RAB12: variants seen among roughly 807,000 people sequenced by gnomAD.
The protein encoded by RAB12 is RAB12, member RAS oncogene family, also known as ras-related protein Rab-12.
RAB12 carries 11 observed loss-of-function variants against 28.4 expected under a neutral mutation model. That is an observed-to-expected ratio of 0.39 (90% CI 0.24 to 0.64). RAB12 has a LOEUF of 0.64. Among genes scored for constraint, RAB12 ranks in the 30% least tolerant of loss-of-function variants. RAB12 has a pLI of 0.50. For missense variants in RAB12, 276 were observed against 351.1 expected (o/e 0.79, Z 1.71); for synonymous variants, 138 against 145.3 (o/e 0.95, Z 0.36).
At chr18:8,628,596 G>A (rs768375715) in intron 2 of RAB12, among the ~76,000 whole-genome samples, 4 of 152,148 alleles carry the variant, frequency 2.6e-5, no homozygotes, top group African/African-American at 4.8e-5. Flanking sequence ...GCTCATTTGC[G>A]TTAGGACGAT....
At chr18:8,619,924 C>T (rs1014710797) in intron 1 of RAB12, among the ~76,000 whole-genome samples, 2 of 151,962 alleles carry the variant, frequency 1.3e-5, no homozygotes, top group African/African-American at 2.4e-5. Context: ...GTAGGAGGAT[C>T]GCTTGAGTTT....
intron 2 of RAB12, among the ~76,000 whole-genome samples, chr18:8,625,677 A>G (rs1334815877): frequency 1.3e-5 from 2 of 152,202 alleles, no homozygotes; most frequent in Admixed American, 6.5e-5. Context: ...GGAAGAAGGG[A>G]TAAGATCTGG....
At chr18:8,626,642 G>C (rs1457753463) in intron 2 of RAB12, among the ~76,000 whole-genome samples, 1 of 152,242 alleles carries the variant, frequency 6.6e-6, no homozygotes, top group African/African-American at 2.4e-5. Context: ...TGAGATAAGA[G>C]GGCCCTACCT....
chr18:8,609,817 C>G lies in RAB12; in HGVS notation c.378C>G (p.Arg126=). Residue 126 remains arginine, a synonymous_variant, in exon 1 of 6, where the codon CGC becomes CGG. Coordinates refer to ENST00000649141, the MANE Select transcript of RAB12 (RefSeq NM_001025300.3). ...GSPALSGGQG[R]RRKQPPRPAD... The stretch of plus-strand genomic sequence containing the variant: ...CGGCGCTGTCGGGCGGCCAGGGCCG[C>G]CGGAGGAAGCAGCCCCCCAGGCCGG... 1 of 1,499,612 alleles carries G rather than the reference C, an allele frequency of 6.7e-7. No homozygotes were observed. Among genetic ancestry groups the G allele is most frequent in the Admixed American group, 2.3e-5 (1 of 44,164 alleles). The allele number at this position is 1,499,612 out of a possible 1,614,324, so 92.9% of individuals were successfully genotyped here. A position where few individuals can be genotyped will look rare whatever the true frequency, so the allele number is the denominator to read the frequency against.
chr18:8,623,108 T>C (rs2096010831), intron 1 of RAB12, among the ~76,000 whole-genome samples: 1 of 152,158 alleles, frequency 6.6e-6, no homozygotes, highest in Admixed American at 6.5e-5. Context: ...TGAGGCAACA[T>C]ACATCCTCCT....
At chr18:8,610,119 A>C in intron 1 of RAB12, 166 bp downstream of exon 1, 2 of 539,716 alleles carry the variant, frequency 3.7e-6, no homozygotes, top group East Asian at 3.5e-5. Context: ...CCCAATCCCA[A>C]AGCCTGGCAG....
chr18:8,610,739 G>C (rs2096003320), intron 1 of RAB12, among the ~76,000 whole-genome samples: 1 of 152,194 alleles, frequency 6.6e-6, no homozygotes, highest in African/African-American at 2.4e-5. Context: ...GGTAGCAGTT[G>C]TTTCTATGGA....
chr18:8,637,941 G>A (rs1327495195), intron 5 of RAB12, among the ~76,000 whole-genome samples: 5 of 152,128 alleles, frequency 3.3e-5, no homozygotes, highest in Non-Finnish European at 5.9e-5. Context: ...GGAGGAGGAG[G>A]AGGAGGAGGG....
intron 1 of RAB12, among the ~76,000 whole-genome samples, chr18:8,611,152 ATGT>A (rs1016375732): frequency 3.9e-5 from 6 of 152,174 alleles, no homozygotes; most frequent in African/African-American, 9.7e-5. Context: ...TGTTTTTAAA[ATGT>A]TGTCGTTGGA....
chr18:8,619,990 TAGTGAC>T (rs1197573377), intron 1 of RAB12, among the ~76,000 whole-genome samples: 2 of 151,824 alleles, frequency 1.3e-5, no homozygotes, highest in Non-Finnish European at 2.9e-5. Flanking sequence ...CAAAATCAGT[TAGTGAC>T]AGTGGTGTGC....
In RAB12 at chr18:8,639,059, A is replaced by G. The variant is rs932197200; in HGVS notation, c.*797A>G. 9.1e-5 allele frequency: 13 copies of G among 142,328 alleles called. No homozygotes were observed. Among genetic ancestry groups the G allele is most frequent in the Non-Finnish European group, 1.8e-4 (12 of 66,558 alleles). 8.8% of individuals were successfully genotyped at this position (142,328 alleles called of 1,614,324 possible). On this transcript the variant is annotated 3_prime_UTR_variant, in exon 6 of 6. Transcript: ENST00000649141. The stretch of plus-strand genomic sequence containing the variant: ...TTACTATATCAAAGAACATACGTGT[A>G]TTTGCCTAAACACTCTGTACCTTTG...
intron 2 of RAB12, among the ~76,000 whole-genome samples, chr18:8,629,137 G>GAAAAAC (rs2096014507): frequency 6.6e-6 from 1 of 152,162 alleles, no homozygotes; most frequent in Non-Finnish European, 1.5e-5. Context: ...AAAAACATTT[G>GAAAAAC]ATTGAATCCT....
At chr18:8,615,874 A>G (rs1049964873) in intron 1 of RAB12, among the ~76,000 whole-genome samples, 3 of 152,192 alleles carry the variant, frequency 2.0e-5, no homozygotes, top group Non-Finnish European at 4.4e-5. Flanking sequence ...TTTATTATGC[A>G]TGACAGAGAT....
chr18:8,633,468 A>G lies in RAB12; in HGVS notation c.714+141A>G, dbSNP rs1207648668. 3 of 928,378 alleles carry G rather than the reference A, an allele frequency of 3.2e-6. No homozygotes were observed. The East Asian group carries it at 7.4e-5, about 23-fold the overall frequency. The allele number at this position is 928,378 out of a possible 1,614,324, so 57.5% of individuals were successfully genotyped here. A position where few individuals can be genotyped will look rare whatever the true frequency, so the allele number is the denominator to read the frequency against. ...ATTTAGCCCATATATAGCCTTCGGGATAGGGATGTAGTCCTGTATTGTGGA... is the reference window on the plus strand; with the variant it reads ...ATTTAGCCCATATATAGCCTTCGGGGTAGGGATGTAGTCCTGTATTGTGGA... On this transcript the variant is annotated intron_variant, in intron 3 of 5. Transcript: ENST00000649141.
At chr18:8,611,352 A>G (rs2096003678) in intron 1 of RAB12, among the ~76,000 whole-genome samples, 1 of 152,232 alleles carries the variant, frequency 6.6e-6, no homozygotes, top group Admixed American at 6.5e-5. Flanking sequence ...GTACTTCAGT[A>G]TATAAAAATG....
intron 1 of RAB12, among the ~76,000 whole-genome samples, chr18:8,624,341 G>A (rs1172604734): frequency 6.6e-6 from 1 of 152,124 alleles, no homozygotes; most frequent in African/African-American, 2.4e-5. Context: ...TATACATGAT[G>A]GTTTGCTTAG....
intron 2 of RAB12, among the ~76,000 whole-genome samples, chr18:8,630,389 G>C (rs1053894365): frequency 2.0e-5 from 3 of 152,246 alleles, no homozygotes; most frequent in Non-Finnish European, 4.4e-5. Context: ...GTTACTATAA[G>C]GGGTTGTGGA....
chr18:8,622,794 T>G (rs901662415), intron 1 of RAB12, among the ~76,000 whole-genome samples: 5 of 152,072 alleles, frequency 3.3e-5, no homozygotes, highest in Admixed American at 3.3e-4. Flanking sequence ...GCCTTGACCA[T>G]AGAAGACGGC....
chr18:8,634,317 AGTT>A (rs1338214153), intron 3 of RAB12, among the ~76,000 whole-genome samples: 1 of 145,560 alleles, frequency 6.9e-6, no homozygotes, highest in Non-Finnish European at 1.5e-5. Flanking sequence ...TAAAAAAAAA[AGTT>A]GTTAGGATCA....
Sources: gnomAD v4.1 joint callset for allele counts (sites outside exome capture counted in the v4.1 genomes callset) on GRCh38, gnomAD v4.1.1 for gene constraint, MANE v1.5 for transcripts, NCBI Gene and HGNC (gene_info 2026-07-23, HGNC 2026-07-21) for gene names.